Variants in TCF7L2 observed in about 807,000 individuals in gnomAD.
TCF7L2 encodes the protein transcription factor 7 like 2.
A neutral mutation model predicts 77.9 loss-of-function variants in TCF7L2; 23 were observed. The observed-to-expected ratio is 0.30, with a 90% CI of 0.21 to 0.42. The LOEUF (loss-of-function observed/expected upper bound fraction) is 0.42. TCF7L2 is among the 10% of genes least tolerant of loss of function. The probability of loss-of-function intolerance (pLI) is 1.00; values close to 1 mark genes in which losing one functional copy is unlikely to be tolerated. For synonymous variants in TCF7L2, 413 were observed against 340.2 expected, an observed-to-expected ratio of 1.21 and a Z score of -2.36; for missense variants, 654 against 793.1, an observed-to-expected ratio of 0.82 and a Z score of 2.11.
intron 5 of TCF7L2, among the ~76,000 whole-genome samples, chr10:113,078,872 A>T (rs2059016329): frequency 6.7e-6 from 1 of 149,684 alleles, no homozygotes; most frequent in Non-Finnish European, 1.5e-5. Flanking sequence ...TTGCTCTGTC[A>T]CCCAGGCTGG....
At chr10:113,016,946 A>G (rs1377282984) in intron 4 of TCF7L2, among the ~76,000 whole-genome samples, 1 of 152,092 alleles carries the variant, frequency 6.6e-6, no homozygotes, top group African/African-American at 2.4e-5. Context: ...CTCTGCCCGG[A>G]GGCTCAGAAA....
At chr10:113,000,035 C>A (rs926791462) in intron 4 of TCF7L2, among the ~76,000 whole-genome samples, 1 of 152,188 alleles carries the variant, frequency 6.6e-6, no homozygotes, top group Admixed American at 6.5e-5. Context: ...TTAGGGGACA[C>A]TGTCTAAGCA....
At chr10:112,989,181 A>T (rs117764423) in intron 4 of TCF7L2, among the ~76,000 whole-genome samples, 2,111 of 152,180 alleles carry the variant, frequency 0.014, 25 homozygotes, top group Non-Finnish European at 0.021. Context: ...GTCTCCCTGT[A>T]AAATGAAAGC....
intron 4 of TCF7L2, among the ~76,000 whole-genome samples, chr10:112,994,288 C>G (rs2043097732): frequency 6.6e-6 from 1 of 152,140 alleles, no homozygotes; most frequent in African/African-American, 2.4e-5. Flanking sequence ...TGTGGATTTG[C>G]CTGTTCTTGA....
chr10:113,023,676 AT>A (rs997542980), intron 4 of TCF7L2, among the ~76,000 whole-genome samples: 34 of 145,906 alleles, frequency 2.3e-4, no homozygotes, highest in Admixed American at 1.6e-3. Flanking sequence ...TTATTTTTTA[AT>A]TTTTTTTTTG....
At chr10:112,953,846 T>A (rs2032746026) in intron 3 of TCF7L2, among the ~76,000 whole-genome samples, 1 of 152,226 alleles carries the variant, frequency 6.6e-6, no homozygotes, top group African/African-American at 2.4e-5. Flanking sequence ...CCTGGTGCTG[T>A]GACATCAGAT....
intron 5 of TCF7L2, among the ~76,000 whole-genome samples, chr10:113,117,420 T>C (rs981580611): frequency 8.9e-4 from 35 of 39,288 alleles, no homozygotes; most frequent in East Asian, 1.6e-3. Flanking sequence ...TCTCTCTCTC[T>C]CTCTCTCTCT....
At chr10:113,011,689 T>C (rs1199323048) in intron 4 of TCF7L2, among the ~76,000 whole-genome samples, 1 of 152,200 alleles carries the variant, frequency 6.6e-6, no homozygotes, top group Non-Finnish European at 1.5e-5. Flanking sequence ...TGAGTATTAC[T>C]GTTGAGCATA....
At chr10:113,089,388 TC>T (rs2060142861) in intron 5 of TCF7L2, 1 of 1,612,002 alleles carries the variant, frequency 6.2e-7, no homozygotes, top group Non-Finnish European at 8.5e-7. Flanking sequence ...TCCCCTTTCT[TC>T]CTGGCAGCAG....
chr10:113,130,720 C>G (rs553256437), intron 5 of TCF7L2, among the ~76,000 whole-genome samples: 1 of 152,014 alleles, frequency 6.6e-6, no homozygotes, highest in African/African-American at 2.4e-5. Context: ...CCATTATACT[C>G]TCTTCAACTG....
At chr10:112,951,175 C>G (rs1327654355) in intron 1 of TCF7L2, 32 bp from the exon 2 acceptor site, 2 of 1,566,066 alleles carry the variant, frequency 1.3e-6, no homozygotes, top group African/African-American at 1.4e-5. Context: ...GCGTTTGCCC[C>G]TCGCCCTCCC....
chr10:113,163,769 C>T (rs1177352807), intron 13 of TCF7L2, among the ~76,000 whole-genome samples: 1 of 152,064 alleles, frequency 6.6e-6, no homozygotes, highest in African/African-American at 2.4e-5. Context: ...AGGCCACTAG[C>T]CCCCATGAAT....
chr10:113,008,763 CT>C (rs2045986434), intron 4 of TCF7L2, among the ~76,000 whole-genome samples: 1 of 152,132 alleles, frequency 6.6e-6, no homozygotes, highest in Non-Finnish European at 1.5e-5. Context: ...TGAGAAAGTG[CT>C]TAGCCTTCCT....
At chr10:113,070,288 T>TATATA (rs1391509397) in intron 5 of TCF7L2, among the ~76,000 whole-genome samples, 48 of 146,818 alleles carry the variant, frequency 3.3e-4, no homozygotes, top group Non-Finnish European at 5.7e-4. Flanking sequence ...TATATATATA[T>TATATA]ATGAATTAAT....
chr10:112,958,909 G>T (rs144140899), intron 3 of TCF7L2, among the ~76,000 whole-genome samples: 489 of 152,190 alleles, frequency 3.2e-3, no homozygotes, highest in African/African-American at 0.011. Flanking sequence ...AGTAATGATG[G>T]GGCATCATTT....
intron 13 of TCF7L2, among the ~76,000 whole-genome samples, chr10:113,164,938 AGCCTCTTGCTAGCGCTGCCTTCAG>A (rs1291101932): frequency 1.3e-5 from 2 of 152,138 alleles, no homozygotes; most frequent in Non-Finnish European, 2.9e-5. Context: ...AAAACCTTTA[AGCCTCTTGCTAGCGCTGCCTTCAG>A]CTATGTGGGC....
intron 5 of TCF7L2, among the ~76,000 whole-genome samples, chr10:113,088,033 C>T (rs1022080812): frequency 2.0e-5 from 3 of 152,144 alleles, no homozygotes; most frequent in Non-Finnish European, 4.4e-5. Context: ...GTGTTATCCT[C>T]AATCTCTTAT....
At chr10:113,077,820 C>T (rs886224501) in intron 5 of TCF7L2, among the ~76,000 whole-genome samples, 127 of 151,108 alleles carry the variant, frequency 8.4e-4, no homozygotes, top group African/African-American at 2.8e-3. Flanking sequence ...CTGCCTTGGC[C>T]TCCTGTGTAG....
At chr10:113,023,779 C>A (rs1486974676) in intron 4 of TCF7L2, among the ~76,000 whole-genome samples, 1 of 152,106 alleles carries the variant, frequency 6.6e-6, no homozygotes, top group African/African-American at 2.4e-5. Flanking sequence ...TGCCATTCTC[C>A]TGAATCAGCC....
Sources: gnomAD v4.1 joint callset for allele counts (sites outside exome capture counted in the v4.1 genomes callset) on GRCh38, gnomAD v4.1.1 for gene constraint, MANE v1.5 for transcripts, NCBI Gene and HGNC (gene_info 2026-07-23, HGNC 2026-07-21) for gene names.